RSRC1: variants seen among roughly 807,000 people sequenced by gnomAD.
RSRC1 encodes serine/Arginine-related protein 53.
A neutral mutation model predicts 49.1 loss-of-function variants in RSRC1; 39 were observed. That is an observed-to-expected ratio of 0.79 (90% CI 0.61 to 1.04). The LOEUF (loss-of-function observed/expected upper bound fraction) is 1.04. RSRC1 is among the 50% of genes least tolerant of loss of function. RSRC1 has a pLI of 0.00. For missense variants in RSRC1, 388 were observed against 402.4 expected (o/e 0.96, Z 0.31); for synonymous variants, 143 against 130.8 (o/e 1.09, Z -0.63).
intron 4 of RSRC1, among the ~76,000 whole-genome samples, chr3:158,207,413 T>C (rs1437789658): frequency 6.6e-6 from 1 of 152,112 alleles, no homozygotes; most frequent in Non-Finnish European, 1.5e-5. Context: ...TAGGCCTTAA[T>C]TAAGTTTATT....
chr3:158,496,344 GT>G (rs1296740092), intron 7 of RSRC1, among the ~76,000 whole-genome samples: 1 of 152,064 alleles, frequency 6.6e-6, no homozygotes, highest in Non-Finnish European at 1.5e-5. Context: ...CACTCCCAGA[GT>G]TTCTGATTCA....
chr3:158,298,103 T>G (rs369412671), intron 5 of RSRC1, 28 bp downstream of exon 5: 37 of 1,544,844 alleles, frequency 2.4e-5, no homozygotes, highest in Non-Finnish European at 3.2e-5. Context: ...CTTGAACATT[T>G]GCATCATCTT....
chr3:158,420,666 A>G (rs1227849267), intron 6 of RSRC1, among the ~76,000 whole-genome samples: 1 of 152,038 alleles, frequency 6.6e-6, no homozygotes, highest in Middle Eastern at 3.4e-3. Context: ...GAAATTCCTA[A>G]TTTTCTTAAA....
chr3:158,231,301 A>C (rs558298552), intron 4 of RSRC1, among the ~76,000 whole-genome samples: 5 of 151,412 alleles, frequency 3.3e-5, no homozygotes, highest in Non-Finnish European at 4.4e-5. Flanking sequence ...ACACCCGTCT[A>C]ATTTTTGTAT....
intron 5 of RSRC1, among the ~76,000 whole-genome samples, chr3:158,313,563 T>A (rs917648649): frequency 6.6e-6 from 1 of 152,218 alleles, no homozygotes; most frequent in Non-Finnish European, 1.5e-5. Flanking sequence ...TCCACTGTTA[T>A]ATCCAGAATT....
At chr3:158,327,681 TGTG>T (rs1399912899) in intron 5 of RSRC1, among the ~76,000 whole-genome samples, 1 of 152,102 alleles carries the variant, frequency 6.6e-6, no homozygotes, top group Admixed American at 6.5e-5. Context: ...ATAGGTGTGG[TGTG>T]GTGCTGAAAA....
At chr3:158,232,803 C>T (rs1024017347) in intron 4 of RSRC1, among the ~76,000 whole-genome samples, 17 of 152,044 alleles carry the variant, frequency 1.1e-4, no homozygotes, top group South Asian at 2.1e-4. Flanking sequence ...GTAATCACAG[C>T]ACTTCAGGTG....
chr3:158,541,820 A>G (rs531797103), intron 8 of RSRC1, among the ~76,000 whole-genome samples: 3 of 152,186 alleles, frequency 2.0e-5, no homozygotes, highest in Admixed American at 1.3e-4. Context: ...CTTACTGCTA[A>G]TCAGTCACTC....
intron 5 of RSRC1, among the ~76,000 whole-genome samples, chr3:158,345,383 T>G (rs1395023819): frequency 1.3e-5 from 2 of 152,162 alleles, no homozygotes; most frequent in African/African-American, 4.8e-5. Context: ...ACATGCTGCT[T>G]ACTTAAAAAA....
chr3:158,164,183 A>G lies in RSRC1; in HGVS notation c.321-38889A>G, dbSNP rs559259443. 3.3e-5 allele frequency among the ~76,000 whole-genome samples: 5 copies of G among 152,284 alleles called. No homozygotes were observed. The East Asian group carries it at 9.6e-4, about 29-fold the overall frequency. On this transcript the variant is annotated intron_variant, in intron 3 of 9. Transcript: ENST00000611884. Reference sequence around the variant, plus strand: ...GTTTTAATTCATAAATGAAACTTCTATAGGCTTATCTTACATGGAAAAAGA... The same window carrying G: ...GTTTTAATTCATAAATGAAACTTCTGTAGGCTTATCTTACATGGAAAAAGA...
intron 8 of RSRC1, among the ~76,000 whole-genome samples, chr3:158,538,978 A>T (rs917420012): frequency 2.0e-5 from 3 of 151,978 alleles, no homozygotes; most frequent in African/African-American, 7.2e-5. Context: ...TAAGGCAAGG[A>T]TTCAGGATGC....
intron 5 of RSRC1, among the ~76,000 whole-genome samples, chr3:158,301,481 G>C (rs1438009099): frequency 4.6e-5 from 7 of 151,954 alleles, no homozygotes; most frequent in Admixed American, 2.6e-4. Context: ...TATTTATTTT[G>C]ATGCTCAGAT....
At chr3:158,368,207 G>A (rs1468199956) in intron 6 of RSRC1, among the ~76,000 whole-genome samples, 1 of 152,186 alleles carries the variant, frequency 6.6e-6, no homozygotes, top group Non-Finnish European at 1.5e-5. Context: ...TACAATGCTG[G>A]ATCTCTGGGG....
At chr3:158,259,324 G>A (rs1157419815) in intron 4 of RSRC1, among the ~76,000 whole-genome samples, 1 of 152,190 alleles carries the variant, frequency 6.6e-6, no homozygotes, top group African/African-American at 2.4e-5. Flanking sequence ...TGTGGCTCTT[G>A]TAGCCTCGTA....
Position 158,122,273 on chromosome 3 carries a change from C to T in RSRC1, c.169C>T (p.Pro57Ser), listed in dbSNP as rs141858843. The T allele has an allele frequency of 2.3e-5, 36 of 1,587,872 alleles. No individual in the cohort carries two copies. The highest frequency in any genetic ancestry group is 2.7e-5 in the Non-Finnish European group (31 of 1,167,464). The part of the protein sequence containing the change: ...KSRSWSRDLQ[P>S]RSHSYDRRRR... ...AAGATCTTGGTCCAGAGATCTTCAG[C>T]CTCGTTCACATTCTTATGATAGAAG... The change falls in exon 2 of 10, where the codon CCT becomes TCT. Residue 57 changes from proline to serine, a missense_variant. Coordinates refer to ENST00000611884, the MANE Select transcript of RSRC1 (RefSeq NM_001271838.2).
At chr3:158,488,927 AT>A (rs764020754) in intron 7 of RSRC1, among the ~76,000 whole-genome samples, 4 of 152,374 alleles carry the variant, frequency 2.6e-5, no homozygotes. Flanking sequence ...AAGGAAATAT[AT>A]TAAAATGCTC....
At position 158,243,664 on chromosome 3, in the gene RSRC1, T is replaced by C. The variant is rs181603048; in HGVS notation, c.494+40419T>C. Among the ~76,000 whole-genome samples the C allele has an allele frequency of 1.1e-3, 168 of 152,318 alleles. 2 individuals carry two copies. The highest frequency in any genetic ancestry group is 0.011 in the Admixed American group (168 of 15,302). The stretch of plus-strand genomic sequence containing the variant: ...ATGGCCATTTTAACAATATTGATTC[T>C]ATCCATGAGCATGGAGTGTTTTTCC... On this transcript the variant is annotated intron_variant, in intron 4 of 9. Transcript: ENST00000611884.
intron 6 of RSRC1, among the ~76,000 whole-genome samples, chr3:158,428,330 T>C (rs1735576467): frequency 1.3e-5 from 2 of 151,864 alleles, no homozygotes; most frequent in Non-Finnish European, 2.9e-5. Context: ...AAAATAATTT[T>C]ATCCTCATTG....
chr3:158,543,363 C>T lies in RSRC1; in HGVS notation c.788C>T (p.Ala263Val), dbSNP rs541079004. ...KSVEPSEVKQ[A>V]TSTSGPASAV... ...GTGGAACCTAGTGAAGTGAAACAAG[C>T]AACTTCAACATCAGGACCAGCATCA... Residue 263 changes from alanine (A) to valine (V), a missense_variant, in exon 9 of 10, where the codon GCA (alanine) becomes GTA (valine). By Grantham distance (64) the Ala-to-Val change is moderately conservative (BLOSUM62 0). Transcript: ENST00000611884. 1.3e-6 allele frequency: 2 copies of T among 1,590,898 alleles called. No individual in the cohort carries two copies. The highest frequency in any genetic ancestry group is 2.7e-5 in the African/African-American group (2 of 73,762).
Sources: allele counts gnomAD v4.1 joint callset (sites outside exome capture counted in the v4.1 genomes callset), GRCh38; gene constraint gnomAD v4.1.1; transcripts MANE v1.5; gene names NCBI Gene and HGNC (gene_info 2026-07-23, HGNC 2026-07-21).